The following PDE3B variants were observed in gnomAD, a reference collection of about 807,000 sequenced individuals.
PDE3B encodes the protein cGMP-inhibited 3',5'-cyclic phosphodiesterase 3B.
PDE3B carries 66 observed loss-of-function variants against 116.8 expected under a neutral mutation model. That is an observed-to-expected ratio of 0.56 (90% CI 0.46 to 0.69). The LOEUF (loss-of-function observed/expected upper bound fraction) is 0.69. Among genes scored for constraint, PDE3B ranks in the 30% least tolerant of loss-of-function variants. The pLI is 0.00. For synonymous variants in PDE3B, 595 were observed against 533.6 expected (o/e 1.12, Z -1.59); for missense variants, 1,384 against 1,368.1 (o/e 1.01, Z -0.18).
At chr11:14,890,016 C>G in the PDE3B span, among the ~76,000 whole-genome samples, 1 of 152,050 alleles carries the variant, frequency 6.6e-6, no homozygotes, top group East Asian at 1.9e-4. Context: ...GTGGTCCCAG[C>G]TACTCGGGAG....
At chr11:14,708,715 A>G (rs1855606132) in intron 1 of PDE3B, among the ~76,000 whole-genome samples, 1 of 152,006 alleles carries the variant, frequency 6.6e-6, no homozygotes, top group Non-Finnish European at 1.5e-5. Context: ...ACATTGAAGA[A>G]TTTAGGACTA....
chr11:14,678,577 G>C (rs7113970), intron 1 of PDE3B, among the ~76,000 whole-genome samples: 123 of 152,024 alleles, frequency 8.1e-4, no homozygotes, highest in African/African-American at 2.7e-3. Flanking sequence ...TTTGCATTTC[G>C]TTAATGGGTA....
intron 2 of PDE3B, among the ~76,000 whole-genome samples, chr11:14,783,856 G>C (rs1858109798): frequency 6.6e-6 from 1 of 152,170 alleles, no homozygotes; most frequent in African/African-American, 2.4e-5. Context: ...AAGACAAAAG[G>C]AAGTTCTTTA....
intron 2 of PDE3B, chr11:14,772,458 A>C (rs1207558805): frequency 1.3e-5 from 2 of 152,644 alleles, no homozygotes; most frequent in East Asian, 3.8e-4. Context: ...TACATGCAGG[A>C]AAGTGTACAG....
At chr11:14,820,437 G>T (rs1050980178) in intron 7 of PDE3B, among the ~76,000 whole-genome samples, 17 of 152,104 alleles carry the variant, frequency 1.1e-4, no homozygotes, top group African/African-American at 3.9e-4. Context: ...CAGAACAGTT[G>T]TTGCATAAAG....
At chr11:14,700,891 T>A (rs1855340841) in intron 1 of PDE3B, 2 of 151,846 alleles carry the variant, frequency 1.3e-5, no homozygotes, top group South Asian at 4.1e-4. Context: ...ACATTAGGTA[T>A]CAATTACTAC....
intron 12 of PDE3B, among the ~76,000 whole-genome samples, chr11:14,845,442 C>T (rs568548156): frequency 1.3e-5 from 2 of 152,298 alleles, no homozygotes; most frequent in African/African-American, 4.8e-5. Flanking sequence ...CTCTCCTCCT[C>T]CAAAGGAACT....
At chr11:14,765,687 C>T (rs1857478560) in intron 1 of PDE3B, among the ~76,000 whole-genome samples, 1 of 151,188 alleles carries the variant, frequency 6.6e-6, no homozygotes, top group Admixed American at 6.6e-5. Flanking sequence ...AATGGAAGCT[C>T]CTAAAAACAG....
chr11:14,674,320 G>A, intron 1 of PDE3B: 1 of 945,730 alleles, frequency 1.1e-6, no homozygotes, highest in Admixed American at 1.8e-5. Context: ...CTCCTGATTG[G>A]CTTTTTGAAG....
At chr11:14,668,544 GA>G (rs35712723) in intron 1 of PDE3B, among the ~76,000 whole-genome samples, 3 of 151,806 alleles carry the variant, frequency 2.0e-5, no homozygotes, top group Non-Finnish European at 4.4e-5. Context: ...TCAGATGTTT[GA>G]AAAAAAATTT....
At chr11:14,711,307 G>A (rs1352657293) in intron 1 of PDE3B, among the ~76,000 whole-genome samples, 1 of 152,128 alleles carries the variant, frequency 6.6e-6, no homozygotes. Flanking sequence ...GAGTGAGCAG[G>A]GCCCAACTTG....
intron 7 of PDE3B, among the ~76,000 whole-genome samples, chr11:14,819,562 G>A (rs1215418176): frequency 6.6e-6 from 1 of 152,120 alleles, no homozygotes; most frequent in African/African-American, 2.4e-5. Flanking sequence ...TTGTTTTAAA[G>A]TGTGGTTAAT....
intron 1 of PDE3B, among the ~76,000 whole-genome samples, chr11:14,669,673 C>T (rs1188566162): frequency 1.4e-5 from 2 of 147,568 alleles, no homozygotes; most frequent in South Asian, 2.2e-4. Context: ...CAAGTGTTCT[C>T]ACTATCCAAT....
chr11:14,737,225 G>A (rs1356161038), intron 1 of PDE3B, among the ~76,000 whole-genome samples: 3 of 146,948 alleles, frequency 2.0e-5, no homozygotes, highest in East Asian at 2.0e-4. Context: ...ATGGAATCTC[G>A]CTCTTTCACC....
chr11:14,867,276 C>G (rs563951178), intron 14 of PDE3B, among the ~76,000 whole-genome samples: 2 of 152,082 alleles, frequency 1.3e-5, no homozygotes, highest in Admixed American at 6.5e-5. Flanking sequence ...TTCTTATTAA[C>G]TGAGTATCAG....
At chr11:14,843,424 T>C (rs1314409717) in intron 11 of PDE3B, among the ~76,000 whole-genome samples, 1 of 152,234 alleles carries the variant, frequency 6.6e-6, no homozygotes, top group African/African-American at 2.4e-5. Context: ...ATTAAATTCC[T>C]AAATCTTTGT....
intron 1 of PDE3B, among the ~76,000 whole-genome samples, chr11:14,666,318 A>C (rs952978838): frequency 6.6e-6 from 1 of 150,844 alleles, no homozygotes; most frequent in African/African-American, 2.5e-5. Context: ...TAGACCTAAA[A>C]CCATAAAAAC....
chr11:14,644,458 C>A lies in PDE3B; in HGVS notation c.383C>A (p.Ala128Asp), dbSNP rs768642591. ...AGCCCCCTCTTCAGCATCGCCTGTG[C>A]CTTCTTCTTCCTCACCTGCTTCCTC... Reference protein sequence around the residue: ...SLSPLFSIACAFFFLTCFLTR... With the variant: ...SLSPLFSIACDFFFLTCFLTR... Residue 128 changes from alanine (A) to aspartate (D), a missense_variant, in exon 1 of 16, where the codon GCC becomes GAC. Ala to Asp is a moderately radical substitution (Grantham distance 126). Transcript: ENST00000282096. The A allele has an allele frequency of 6.8e-6, 11 of 1,613,038 alleles. No homozygotes were observed. The highest frequency in any genetic ancestry group is 7.6e-6 in the Non-Finnish European group (9 of 1,179,682).
chr11:14,693,711 G>A (rs532573722), intron 1 of PDE3B, among the ~76,000 whole-genome samples: 28 of 152,224 alleles, frequency 1.8e-4, no homozygotes, highest in Middle Eastern at 3.4e-3. Flanking sequence ...GCTAGTCGTC[G>A]TCCAAGAGCT....
Sources: allele counts gnomAD v4.1 joint callset (sites outside exome capture counted in the v4.1 genomes callset), GRCh38; gene constraint gnomAD v4.1.1; transcripts MANE v1.5; gene names NCBI Gene and HGNC (gene_info 2026-07-23, HGNC 2026-07-21).